The following TRIM49 variants were observed in gnomAD, a reference collection of about 807,000 sequenced individuals.
TRIM49 encodes tripartite motif-containing protein 49.
Under a neutral mutation model 27.4 loss-of-function variants are expected in TRIM49, and 5 were observed. That is an observed-to-expected ratio of 0.18 (90% CI 0.10 to 0.38). The LOEUF (loss-of-function observed/expected upper bound fraction) is 0.38. TRIM49 is among the 10% of genes least tolerant of loss of function. TRIM49 has a pLI of 1.00. For missense variants in TRIM49, 188 were observed against 487.5 expected, an observed-to-expected ratio of 0.39 and a Z score of 5.79; for synonymous variants, 69 against 166.0, an observed-to-expected ratio of 0.42 and a Z score of 4.49.
At chr11:89,785,065 A>T in the TRIM49 span, among the ~76,000 whole-genome samples, 1 of 149,318 alleles carries the variant, frequency 6.7e-6, no homozygotes, top group Admixed American at 6.6e-5. Context: ...TGAGGTTTTT[A>T]TCCCTAAAAG....
At chr11:89,790,960 G>A in the TRIM49 span, among the ~76,000 whole-genome samples, 9 of 151,950 alleles carry the variant, frequency 5.9e-5, no homozygotes, top group Non-Finnish European at 8.8e-5. Context: ...CAAGCTAAAG[G>A]AGGAAGTTCG....
At chr11:89,803,671 G>A (rs1235981106) in intron 4 of TRIM49, 27 bp downstream of exon 4, 2 of 896,152 alleles carry the variant, frequency 2.2e-6, no homozygotes, top group Non-Finnish European at 3.4e-6. Flanking sequence ...TAAGTTCCTG[G>A]AGAAGGTAGA....
intron 2 of TRIM49, among the ~76,000 whole-genome samples, chr11:89,806,113 T>C (rs1394651498): frequency 6.7e-6 from 1 of 149,156 alleles, no homozygotes; most frequent in African/African-American, 2.5e-5. Flanking sequence ...AGCCTATTGT[T>C]CCTACAATAG....
the TRIM49 span, among the ~76,000 whole-genome samples, chr11:89,768,565 T>C: frequency 7.4e-6 from 1 of 135,848 alleles, no homozygotes; most frequent in Non-Finnish European, 1.5e-5. Flanking sequence ...TTCTAGCAAC[T>C]TCTGCATTGA....
the TRIM49 span, chr11:89,782,069 C>G: frequency 6.5e-7 from 1 of 1,546,286 alleles, no homozygotes; most frequent in Non-Finnish European, 8.7e-7. Flanking sequence ...GGATGTGACC[C>G]TCTCCTCCAA....
intron 2 of TRIM49, among the ~76,000 whole-genome samples, chr11:89,806,017 G>A (rs1168141707): frequency 2.0e-5 from 3 of 150,882 alleles, no homozygotes; most frequent in Non-Finnish European, 4.4e-5. Context: ...ACAGTGCCCA[G>A]CCCGGCGGTT....
intron 4 of TRIM49, among the ~76,000 whole-genome samples, chr11:89,802,306 T>A (rs1475671541): frequency 1.3e-5 from 2 of 150,802 alleles, no homozygotes; most frequent in Non-Finnish European, 2.9e-5. Context: ...ATGCACCAAG[T>A]TGCTTAAACT....
intron 2 of TRIM49, among the ~76,000 whole-genome samples, chr11:89,806,460 GA>G (rs1949790103): frequency 6.8e-6 from 1 of 148,144 alleles, no homozygotes; most frequent in Admixed American, 6.6e-5. Context: ...TGAAAGCAGT[GA>G]AAAATCTTAG....
the TRIM49 span, chr11:89,768,947 G>A: frequency 2.3e-6 from 1 of 435,498 alleles, no homozygotes; most frequent in South Asian, 1.7e-5. Flanking sequence ...GGGAGGCCAA[G>A]GTGGGTGGAT....
chr11:89,783,631 T>G, the TRIM49 span, among the ~76,000 whole-genome samples: 1 of 139,836 alleles, frequency 7.2e-6, no homozygotes, highest in Non-Finnish European at 1.5e-5. Flanking sequence ...CATATAAATT[T>G]AATTACTTGC....
At chr11:89,776,819 T>C in the TRIM49 span, among the ~76,000 whole-genome samples, 53 of 151,062 alleles carry the variant, frequency 3.5e-4, no homozygotes, top group Non-Finnish European at 3.4e-4. Flanking sequence ...CATGTTTGCA[T>C]TTACTATGTC....
At chr11:89,766,530 A>G in the TRIM49 span, 1 of 550,404 alleles carries the variant, frequency 1.8e-6, no homozygotes. Context: ...CTTTGTATCA[A>G]CAGTGAAGGG....
downstream of TRIM49, among the ~76,000 whole-genome samples, chr11:89,795,964 C>T (rs994826218): frequency 2.0e-5 from 3 of 151,862 alleles, no homozygotes; most frequent in African/African-American, 7.2e-5. Context: ...GCTTCAGGCA[C>T]CCAATAATTA....
chr11:89,790,866 A>T, the TRIM49 span, among the ~76,000 whole-genome samples: 4 of 152,146 alleles, frequency 2.6e-5, no homozygotes, highest in Non-Finnish European at 4.4e-5. Flanking sequence ...AGGAATGCAG[A>T]TCCTCACCAG....
chr11:89,779,997 A>G, the TRIM49 span, among the ~76,000 whole-genome samples: 1 of 101,308 alleles, frequency 9.9e-6, no homozygotes, highest in African/African-American at 3.6e-5. Flanking sequence ...CACAGATCTT[A>G]ATACAAAATT....
rs1429680052 is a variant in TRIM49, at chr11:89,805,179, T to C, written c.-4-706A>G. Among the ~76,000 whole-genome samples the C allele has an allele frequency of 2.0e-5, 3 of 151,464 alleles. No individual in the cohort carries two copies. The East Asian group carries it at 5.8e-4, about 29-fold the overall frequency. The stretch of plus-strand genomic sequence containing the variant: ...AAAGATATTGGGTCTTTTTATTTTC[T>C]TGCGGATTAAATTAACTTCCCCTAG... On this transcript the variant is annotated intron_variant, in intron 2 of 7. Transcript: ENST00000329758.
the TRIM49 span, among the ~76,000 whole-genome samples, chr11:89,791,719 G>A: frequency 6.6e-6 from 1 of 152,158 alleles, no homozygotes; most frequent in Non-Finnish European, 1.5e-5. Flanking sequence ...CACCAGGCCT[G>A]CCCTAAAAGA....
the TRIM49 span, chr11:89,776,967 T>C: frequency 5.3e-6 from 8 of 1,507,476 alleles, no homozygotes; most frequent in Non-Finnish European, 7.1e-6. Flanking sequence ...TTTTTTTTTT[T>C]AATTTTCAGA....
intron 3 of TRIM49, 55 bp downstream of exon 3, chr11:89,804,004 C>T: frequency 1.2e-6 from 2 of 1,611,408 alleles, no homozygotes; most frequent in African/African-American, 1.3e-5. Context: ...GAAAATAGAC[C>T]CACAGGAATT....
Sources: allele counts gnomAD v4.1 joint callset (sites outside exome capture counted in the v4.1 genomes callset), GRCh38; gene constraint gnomAD v4.1.1; transcripts MANE v1.5; gene names NCBI Gene and HGNC (gene_info 2026-07-23, HGNC 2026-07-21).